The following SYNC variants were observed in gnomAD, a reference collection of about 807,000 sequenced individuals.
SYNC encodes the protein syncoilin.
Under a neutral mutation model 49.5 loss-of-function variants are expected in SYNC, and 38 were observed. That is an observed-to-expected ratio of 0.77 (90% CI 0.59 to 1.01). The LOEUF is 1.01. SYNC is among the 50% of genes least tolerant of loss of function. The pLI is 0.00. For synonymous variants in SYNC, 201 were observed against 230.8 expected, an observed-to-expected ratio of 0.87 and a Z score of 1.17; for missense variants, 579 against 580.6, an observed-to-expected ratio of 1.00 and a Z score of 0.03.
Position 32,680,727 on chromosome 1 carries a change from C to T in SYNC, c.*1123G>A. On this transcript the variant is annotated 3_prime_UTR_variant, in exon 5 of 5. Coordinates refer to ENST00000409190, the MANE Select transcript of SYNC (RefSeq NM_030786.3). The stretch of plus-strand genomic sequence containing the variant: ...GTCTCTGGCTTCTAGAAGAGTCCTT[C>T]AGATGACAGTTGTTGTCCATGGTCT... 1.8e-6 allele frequency: 1 copy of T among 563,184 alleles called. No homozygotes were observed. The highest frequency in any genetic ancestry group is 2.8e-5 in the South Asian group (1 of 35,336). The allele number at this position is 563,184 out of a possible 1,614,324, so 34.9% of individuals were successfully genotyped here. A position where few individuals can be genotyped will look rare whatever the true frequency, so the allele number is the denominator to read the frequency against.
chr1:32,699,492 C>A (rs1479727346), intron 1 of SYNC, among the ~76,000 whole-genome samples: 3 of 151,928 alleles, frequency 2.0e-5, no homozygotes, highest in Non-Finnish European at 4.4e-5. Context: ...ACTACAGTCT[C>A]CATCCCCCTC....
chr1:32,691,203 G>C (rs1650145750), intron 2 of SYNC, among the ~76,000 whole-genome samples: 1 of 141,664 alleles, frequency 7.1e-6, no homozygotes, highest in Admixed American at 8.0e-5. Flanking sequence ...GGGTGACAGA[G>C]CGAGACTCCT....
intron 2 of SYNC, among the ~76,000 whole-genome samples, chr1:32,689,846 C>T (rs1361005647): frequency 1.3e-5 from 2 of 149,938 alleles, no homozygotes; most frequent in Non-Finnish European, 2.9e-5. Context: ...GAGGCTGAGG[C>T]AGGAGAATCG....
intron 4 of SYNC, chr1:32,682,162 A>G: frequency 2.8e-6 from 1 of 356,878 alleles, no homozygotes; most frequent in East Asian, 5.9e-5. Flanking sequence ...CAATCTGATC[A>G]ACACAAAGGT....
Position 32,681,192 on chromosome 1 carries a change from G to A in SYNC, c.*658C>T, listed in dbSNP as rs1207297688. On this transcript the variant is annotated 3_prime_UTR_variant, in exon 5 of 5. Transcript: ENST00000409190. The stretch of plus-strand genomic sequence containing the variant: ...TTCTGACCCAGAACTACTTTCATGA[G>A]GTAAGATCTTTGGGAAAATCTGAAT... The A allele has an allele frequency of 6.6e-6, 1 of 152,292 alleles. No homozygotes were observed. Among genetic ancestry groups the A allele is most frequent in the African/African-American group, 2.4e-5 (1 of 41,388 alleles). The allele number at this position is 152,292 out of a possible 1,614,324, so 9.4% of individuals were successfully genotyped here. A position where few individuals can be genotyped will look rare whatever the true frequency, so the allele number is the denominator to read the frequency against.
At chr1:32,684,517 G>A in intron 2 of SYNC, 135 bp from the exon 3 acceptor site, 2 of 1,310,426 alleles carry the variant, frequency 1.5e-6, no homozygotes, top group Non-Finnish European at 2.1e-6. Context: ...TTATATGATA[G>A]GTTATGAAAC....
At chr1:32,687,854 TA>T (rs377434878) in intron 2 of SYNC, among the ~76,000 whole-genome samples, 1 of 22,116 alleles carries the variant, frequency 4.5e-5, no homozygotes, top group Non-Finnish European at 4.4e-4. Context: ...TTATTATTAT[TA>T]TTATTATTTT....
In SYNC at chr1:32,695,490, A is replaced by G; in HGVS notation, c.608T>C (p.Leu203Pro). 2 of 1,551,128 alleles carry G rather than the reference A, an allele frequency of 1.3e-6. No individual in the cohort carries two copies. The highest frequency in any genetic ancestry group is 1.7e-6 in the Non-Finnish European group (2 of 1,146,914). The change falls in exon 2 of 5, where the codon CTC becomes CCC. Residue 203 changes from leucine (L) to proline (P), a missense_variant. By Grantham distance (98) the Leu-to-Pro change is moderately conservative (BLOSUM62 -3). Coordinates refer to ENST00000409190, the MANE Select transcript of SYNC (RefSeq NM_030786.3). Reference protein sequence around the residue: ...RDQLIHELVLLREPALQEVQQ... With the variant: ...RDQLIHELVLPREPALQEVQQ... ...TACCTCCTGCAGGGCTGGTTCCCGG[A>G]GCAATACAAGCTCATGGATGAGCTG...
Position 32,698,172 on chromosome 1 carries a change from G to A in SYNC, c.54-2128C>T, listed in dbSNP as rs554204039. On this transcript the variant is annotated intron_variant, in intron 1 of 4. Transcript: ENST00000409190. Reference sequence around the variant, plus strand: ...TGGGAGGCAGAGGTTGCAGTGAGCCGAGATCACACCACAGCCTGGGCGACA... The same window carrying A: ...TGGGAGGCAGAGGTTGCAGTGAGCCAAGATCACACCACAGCCTGGGCGACA... Among the ~76,000 whole-genome samples the A allele has an allele frequency of 9.1e-5, 13 of 142,278 alleles. 1 individual carries two copies. In the South Asian group the frequency reaches 2.9e-3, roughly 32 times the overall value. The allele number at this position is 142,278 out of a possible 152,430, so 93.3% of individuals were successfully genotyped here. A position where few individuals can be genotyped will look rare whatever the true frequency, so the allele number is the denominator to read the frequency against.
intron 2 of SYNC, among the ~76,000 whole-genome samples, chr1:32,689,640 C>T (rs1650061498): frequency 6.6e-6 from 1 of 151,984 alleles, no homozygotes; most frequent in Non-Finnish European, 1.5e-5. Flanking sequence ...TAAAGGGACA[C>T]CCTTAGGAAG....
chr1:32,702,243 A>T lies in SYNC; in HGVS notation c.53+365T>A, dbSNP rs913842348. ...GTGGCTTCCACACAGCCACTTCAGC[A>T]GGGGAGGCCTCTGTCTCCAACTGAC... On this transcript the variant is annotated intron_variant, in intron 1 of 4. Coordinates refer to ENST00000409190, the MANE Select transcript of SYNC (RefSeq NM_030786.3). This position sits in a 1 kb window ranked among gnomAD's most constrained non-coding sequence, Gnocchi z 6.2. Among the ~76,000 whole-genome samples the T allele has an allele frequency of 2.0e-5, 3 of 152,200 alleles. No homozygotes were observed. The highest frequency in any genetic ancestry group is 7.2e-5 in the African/African-American group (3 of 41,452).
chr1:32,696,166 C>T, intron 1 of SYNC, 122 bp from the exon 2 acceptor site: 1 of 742,980 alleles, frequency 1.3e-6, no homozygotes, highest in Non-Finnish European at 2.2e-6. Context: ...CATTCGTCTG[C>T]TCCCTCCACT....
chr1:32,684,017 C>T lies in SYNC; in HGVS notation c.1431G>A (p.Gln477=), dbSNP rs1649632182. 3.1e-6 allele frequency: 5 copies of T among 1,613,982 alleles called. No individual in the cohort carries two copies. Among genetic ancestry groups the T allele is most frequent in the Non-Finnish European group, 4.2e-6 (5 of 1,179,934 alleles). ...TCTCTTCACAAAGATCACCTTGAGA[C>T]TGTGTCTCCATTCCACCTGCCTGAG... is the stretch of plus-strand genomic sequence containing the variant. ...PTSQAGGMET[Q]SQGAV Residue 477 remains glutamine, a synonymous_variant, in exon 4 of 5, where the codon CAG becomes CAA. Coordinates refer to ENST00000409190, the MANE Select transcript of SYNC (RefSeq NM_030786.3).
intron 1 of SYNC, among the ~76,000 whole-genome samples, chr1:32,697,159 C>T (rs902689806): frequency 3.3e-5 from 5 of 151,860 alleles, no homozygotes; most frequent in African/African-American, 1.2e-4. Flanking sequence ...GAACCATGGT[C>T]GGCCAGGCGT....
Position 32,695,372 on chromosome 1 carries a change from G to C in SYNC, c.726C>G (p.Val242=), listed in dbSNP as rs977629498. 4 of 1,551,470 alleles carry C rather than the reference G, an allele frequency of 2.6e-6. No individual in the cohort carries two copies. The African/African-American group carries it at 5.5e-5, about 21-fold the overall frequency. The change falls in exon 2 of 5, where the codon GTC becomes GTG. Residue 242 remains valine (V), a synonymous_variant. Transcript: ENST00000409190. ...RDGLREEIRL[V]KQKLFKVTKE... is the part of the protein sequence containing the mutation. Reference sequence around the variant, plus strand: ...TTGTCACTTTGAAAAGCTTCTGCTTGACCAGCCGGATCTCCTCCCTTAGGC... The same window carrying C: ...TTGTCACTTTGAAAAGCTTCTGCTTCACCAGCCGGATCTCCTCCCTTAGGC...
rs1038603984 is a variant in SYNC, at chr1:32,691,351, C to T, written c.1233+3514G>A. Among the ~76,000 whole-genome samples, 15 of 150,834 alleles carry T rather than the reference C, an allele frequency of 9.9e-5. No homozygotes were observed. In the East Asian group the frequency reaches 2.0e-3, roughly 20 times the overall value. Reference sequence around the variant, plus strand: ...TAGAGGTTGCAATGAGCCGAGATCACGCTATTGCACTCCAGCCTAGGCAAT... The same window carrying T: ...TAGAGGTTGCAATGAGCCGAGATCATGCTATTGCACTCCAGCCTAGGCAAT... On this transcript the variant is annotated intron_variant, in intron 2 of 4. Transcript: ENST00000409190.
intron 1 of SYNC, among the ~76,000 whole-genome samples, chr1:32,699,767 T>C (rs1650595366): frequency 6.8e-6 from 1 of 146,452 alleles, no homozygotes; most frequent in South Asian, 2.2e-4. Context: ...AGAGTCTCGC[T>C]CTGTTGCCCA....
chr1:32,695,837 C>G lies in SYNC; in HGVS notation c.261G>C (p.Glu87Asp), dbSNP rs879831917. ...GCAGAGCCTCATCTGGCTGCATGGCCTCCTCAATATACAGGGCCTCCTCTG... is the reference window on the plus strand; with the variant it reads ...GCAGAGCCTCATCTGGCTGCATGGCGTCCTCAATATACAGGGCCTCCTCTG... Reference protein sequence around the residue: ...EKAEEALYIEEAMQPDEALHV... With the variant: ...EKAEEALYIEDAMQPDEALHV... Residue 87 changes from glutamate to aspartate, a missense_variant, in exon 2 of 5, where the codon GAG becomes GAC. Coordinates refer to ENST00000409190, the MANE Select transcript of SYNC (RefSeq NM_030786.3). 6.4e-7 allele frequency: 1 copy of G among 1,551,938 alleles called. No homozygotes were observed.
At chr1:32,686,338 CTT>C (rs1315452055) in intron 2 of SYNC, 3 of 152,166 alleles carry the variant, frequency 2.0e-5, no homozygotes, top group Non-Finnish European at 4.4e-5. Context: ...GTTCCTGCCA[CTT>C]TTTTCACCTA....
Sources: gnomAD v4.1 joint callset for allele counts (sites outside exome capture counted in the v4.1 genomes callset) on GRCh38, gnomAD v4.1.1 for gene constraint, Gnocchi (gnomAD v3.1) non-coding constraint, MANE v1.5 for transcripts, NCBI Gene and HGNC (gene_info 2026-07-23, HGNC 2026-07-21) for gene names.